The following TTC7B variants were observed in gnomAD, a reference collection of about 807,000 sequenced individuals.
TTC7B encodes the protein tetratricopeptide repeat protein 7B.
A neutral mutation model predicts 106.8 loss-of-function variants in TTC7B; 28 were observed. That is an observed-to-expected ratio of 0.26 (90% CI 0.19 to 0.36). The LOEUF (loss-of-function observed/expected upper bound fraction) is 0.36, where lower values mean the gene tolerates loss of function less well. Among genes scored for constraint, TTC7B ranks in the 10% least tolerant of loss-of-function variants. TTC7B has a pLI of 1.00. For synonymous variants in TTC7B, 405 were observed against 430.6 expected, an observed-to-expected ratio of 0.94 and a Z score of 0.74; for missense variants, 862 against 1,076.4, an observed-to-expected ratio of 0.80 and a Z score of 2.79.
chr14:90,652,259 T>G (rs911522526), intron 13 of TTC7B, among the ~76,000 whole-genome samples: 14 of 152,120 alleles, frequency 9.2e-5, no homozygotes, highest in Non-Finnish European at 1.9e-4. Flanking sequence ...AAGCAACAAA[T>G]TAAATAAGGG....
At chr14:90,695,641 G>C in intron 5 of TTC7B, 63 bp from the exon 6 acceptor site, 1 of 1,094,336 alleles carries the variant, frequency 9.1e-7, no homozygotes, top group South Asian at 1.6e-5. Flanking sequence ...TATTTTATAT[G>C]CACGTTTCAA....
intron 3 of TTC7B, among the ~76,000 whole-genome samples, chr14:90,774,376 T>C (rs1191578829): frequency 6.6e-6 from 1 of 152,216 alleles, no homozygotes; most frequent in Non-Finnish European, 1.5e-5. Context: ...AATGCACAGA[T>C]TTTGGCAGAA....
rs549519027 is a variant in TTC7B, at chr14:90,526,194, T to C, written c.*15174A>G. The stretch of plus-strand genomic sequence containing the variant: ...CCCACGTCCTCACAAACATTTGTTA[T>C]TGTCTGTCTTTTTGATTATAGACAT... On this transcript the variant is annotated 3_prime_UTR_variant, in exon 20 of 20. Coordinates refer to ENST00000328459, the MANE Select transcript of TTC7B (RefSeq NM_001010854.2). 7 of 152,350 alleles carry C rather than the reference T, an allele frequency of 4.6e-5. No homozygotes were observed. Among genetic ancestry groups the C allele is most frequent in the African/African-American group, 1.7e-4 (7 of 41,584 alleles). 9.4% of individuals were successfully genotyped at this position (152,350 alleles called of 1,614,324 possible).
At chr14:90,769,211 C>T (rs951035390) in intron 3 of TTC7B, among the ~76,000 whole-genome samples, 8 of 151,756 alleles carry the variant, frequency 5.3e-5, no homozygotes, top group African/African-American at 9.7e-5. Flanking sequence ...TTAAATATTT[C>T]GCTACAAAAA....
intron 3 of TTC7B, among the ~76,000 whole-genome samples, chr14:90,771,994 A>AAT (rs968159465): frequency 2.1e-5 from 3 of 146,188 alleles, no homozygotes; most frequent in Admixed American, 1.4e-4. Flanking sequence ...ATATATTTAT[A>AAT]ATATATATAT....
In TTC7B at chr14:90,590,889, AG is replaced by A; in HGVS notation, c.2107+2596del. Among the ~76,000 whole-genome samples, 3 of 152,362 alleles carry A rather than the reference AG, an allele frequency of 2.0e-5. No homozygotes were observed. The Middle Eastern group carries it at 0.01, about 518-fold the overall frequency. ...CGTATGCATACAGCACAGTCTGCTC[AG>A]GGTTTACAGGGTCGACAGTCACTTT... On this transcript the variant is annotated intron_variant, in intron 18 of 19. Coordinates refer to ENST00000328459, the MANE Select transcript of TTC7B (RefSeq NM_001010854.2).
Position 90,554,742 on chromosome 14 carries a change from C to G in TTC7B, c.2311-13153G>C, listed in dbSNP as rs565596808. Among the ~76,000 whole-genome samples, 12 of 152,340 alleles carry G rather than the reference C, an allele frequency of 7.9e-5. 1 individual carries two copies. Among genetic ancestry groups the G allele is most frequent in the African/African-American group, 2.6e-4 (11 of 41,572 alleles). On this transcript the variant is annotated intron_variant, in intron 19 of 19. Transcript: ENST00000328459. The stretch of plus-strand genomic sequence containing the variant: ...ATGAGGGAGGACATTTCAAAAGAGA[C>G]AATATGATGCTCTCCCCACTTTGAA...
intron 5 of TTC7B, among the ~76,000 whole-genome samples, chr14:90,716,857 C>T (rs1888675579): frequency 6.6e-6 from 1 of 152,114 alleles, no homozygotes; most frequent in Non-Finnish European, 1.5e-5. Flanking sequence ...AACCATCAGT[C>T]AGCCAGAACA....
chr14:90,729,892 A>C (rs1889259152), intron 5 of TTC7B, among the ~76,000 whole-genome samples, 183 bp downstream of exon 5: 1 of 152,244 alleles, frequency 6.6e-6, no homozygotes, highest in South Asian at 2.1e-4. Context: ...ATGGGAAAGC[A>C]AGAGAGCCAG....
intron 11 of TTC7B, among the ~76,000 whole-genome samples, chr14:90,655,395 T>C (rs1417046506): frequency 6.6e-6 from 1 of 152,256 alleles, no homozygotes; most frequent in East Asian, 1.9e-4. Flanking sequence ...TCATCTTTAT[T>C]TTTTACTGAC....
At chr14:90,541,701 CATT>C in intron 19 of TTC7B, 112 bp from the exon 20 acceptor site, 1 of 831,800 alleles carries the variant, frequency 1.2e-6, no homozygotes, top group Admixed American at 3.1e-5. Flanking sequence ...AATATATCGC[CATT>C]GGGCTGGGCC....
rs1463265685 is a variant in TTC7B at position 90,662,239 on chromosome 14, CAGGTAGGG to C, written c.1153-3860_1153-3853del. On this transcript the variant is annotated intron_variant, in intron 9 of 19. Coordinates refer to ENST00000328459, the MANE Select transcript of TTC7B (RefSeq NM_001010854.2). The stretch of plus-strand genomic sequence containing the variant: ...AGGCTCCTGCCAGCCTCTGAATCTG[CAGGTAGGG>C]AGGCAGGGAAGGGGCCTCTGGACCT... 7.2e-5 allele frequency among the ~76,000 whole-genome samples: 11 copies of C among 152,348 alleles called. No homozygotes were observed. The East Asian group carries it at 1.9e-3, about 27-fold the overall frequency.
At chr14:90,716,256 G>A (rs1164315472) in intron 5 of TTC7B, among the ~76,000 whole-genome samples, 1 of 152,318 alleles carries the variant, frequency 6.6e-6, no homozygotes, top group East Asian at 1.9e-4. Context: ...TGCTGAAGAC[G>A]GGCCAGGGTG....
At chr14:90,697,921 A>C (rs1036909516) in intron 5 of TTC7B, 1 of 152,268 alleles carries the variant, frequency 6.6e-6, no homozygotes, top group Non-Finnish European at 1.5e-5. Flanking sequence ...TTTAAGATTC[A>C]GAAGCAAATT....
intron 13 of TTC7B, among the ~76,000 whole-genome samples, chr14:90,650,571 G>A (rs566516281): frequency 7.2e-5 from 11 of 152,214 alleles, no homozygotes; most frequent in South Asian, 4.1e-4. Flanking sequence ...AAGCAAGATC[G>A]TGTACCCTGT....
At chr14:90,587,617 C>CT (rs1345318868) in intron 18 of TTC7B, among the ~76,000 whole-genome samples, 5 of 152,194 alleles carry the variant, frequency 3.3e-5, no homozygotes, top group Non-Finnish European at 7.3e-5. Context: ...GCCTACAGTG[C>CT]TCCCCCCAGC....
intron 19 of TTC7B, among the ~76,000 whole-genome samples, chr14:90,547,519 G>A (rs1347458737): frequency 1.3e-5 from 2 of 152,376 alleles, no homozygotes; most frequent in East Asian, 1.9e-4. Flanking sequence ...TTGGAGGCTG[G>A]ACACTGTGGC....
chr14:90,791,415 T>C (rs1188601245), intron 1 of TTC7B, among the ~76,000 whole-genome samples: 1 of 152,172 alleles, frequency 6.6e-6, no homozygotes, highest in Non-Finnish European at 1.5e-5. Flanking sequence ...CATCTGCATC[T>C]TCCCCAGGGT....
chr14:90,602,250 G>A (rs148411207), intron 17 of TTC7B: 112 of 456,008 alleles, frequency 2.5e-4, no homozygotes, highest in Non-Finnish European at 4.5e-4. Context: ...GGGTCAAAGT[G>A]CGGGACTTCT....
Sources: gnomAD v4.1 joint callset for allele counts (sites outside exome capture counted in the v4.1 genomes callset) on GRCh38, gnomAD v4.1.1 for gene constraint, MANE v1.5 for transcripts, NCBI Gene and HGNC (gene_info 2026-07-23, HGNC 2026-07-21) for gene names.